TBC1D12: variants seen among roughly 807,000 people sequenced by gnomAD.
TBC1D12 encodes TBC1 domain family member 12.
In TBC1D12, 56 loss-of-function variants were observed where a neutral mutation model predicts 86.7. That is an observed-to-expected ratio of 0.65 (90% CI 0.52 to 0.81). The LOEUF (loss-of-function observed/expected upper bound fraction) is 0.81. Among genes scored for constraint, TBC1D12 ranks in the 30% least tolerant of loss-of-function variants. The probability of loss-of-function intolerance (pLI) is 0.00; values close to 1 mark genes in which losing one functional copy is unlikely to be tolerated. For synonymous variants in TBC1D12, 421 were observed against 411.7 expected (o/e 1.02, Z -0.27); for missense variants, 1,023 against 1,038.8 (o/e 0.98, Z 0.21).
At chr10:94,508,878 T>G (rs1049877988) in intron 7 of TBC1D12, 3 of 152,262 alleles carry the variant, frequency 2.0e-5, no homozygotes, top group Admixed American at 6.5e-5. Context: ...TTTCTGCTTC[T>G]TTGTATATCT....
chr10:94,442,482 A>C (rs2134091643), intron 2 of TBC1D12, among the ~76,000 whole-genome samples: 1 of 152,316 alleles, frequency 6.6e-6, no homozygotes, highest in Non-Finnish European at 1.5e-5. Flanking sequence ...TCTCTAAACC[A>C]AGGACTTTGT....
intron 2 of TBC1D12, among the ~76,000 whole-genome samples, chr10:94,454,334 C>T (rs2134109894): frequency 6.6e-6 from 1 of 152,302 alleles, no homozygotes; most frequent in South Asian, 2.1e-4. Flanking sequence ...GCCTCAGCCT[C>T]CTGAGTAGCT....
chr10:94,457,279 C>T (rs1033288043), intron 2 of TBC1D12, among the ~76,000 whole-genome samples: 2 of 152,096 alleles, frequency 1.3e-5, no homozygotes, highest in Non-Finnish European at 2.9e-5. Context: ...CTGACAGGCC[C>T]CTGTGTGTGT....
At chr10:94,459,686 G>C (rs958823327) in intron 2 of TBC1D12, among the ~76,000 whole-genome samples, 1 of 152,188 alleles carries the variant, frequency 6.6e-6, no homozygotes, top group African/African-American at 2.4e-5. Flanking sequence ...AGTGCGGCAC[G>C]GGCAGGCTGG....
chr10:94,520,880 T>G (rs1842131980), intron 9 of TBC1D12, among the ~76,000 whole-genome samples: 2 of 152,054 alleles, frequency 1.3e-5, no homozygotes, highest in East Asian at 1.9e-4. Flanking sequence ...AGGCTGGTCT[T>G]GAACTCCTGA....
At chr10:94,489,431 C>T (rs190363380) in intron 3 of TBC1D12, among the ~76,000 whole-genome samples, 1 of 152,310 alleles carries the variant, frequency 6.6e-6, no homozygotes, top group Non-Finnish European at 1.5e-5. Context: ...TTCCTACCCT[C>T]TGCAATGCCT....
At position 94,402,790 on chromosome 10, in the gene TBC1D12, C is replaced by A. The variant is rs1564930278; in HGVS notation, c.177C>A (p.Asp59Glu). The A allele has an allele frequency of 5.2e-6, 8 of 1,539,578 alleles. No individual in the cohort carries two copies. Among genetic ancestry groups the A allele is most frequent in the Non-Finnish European group, 7.0e-6 (8 of 1,141,494 alleles). ...PEEADEEEEADEEEETPPRQL... is the reference protein window; with the variant it reads ...PEEADEEEEAEEEEETPPRQL... ...AGGCTGACGAGGAGGAGGAGGCTGA[C>A]GAGGAGGAGGAGACGCCGCCTCGGC... is the stretch of plus-strand genomic sequence containing the variant. The change falls in exon 1 of 13, where the codon GAC (aspartate) becomes GAA (glutamate). Residue 59 changes from aspartate (D) to glutamate (E), a missense_variant. By Grantham distance (45) the Asp-to-Glu change is conservative. This residue lies in a region of TBC1D12 where 628 missense variants were observed against 531.1 expected (regional missense o/e 1.18). Transcript: ENST00000225235.
Position 94,521,507 on chromosome 10 carries a change from T to C in TBC1D12, c.1762-448T>C, listed in dbSNP as rs370875614. 3.4e-4 allele frequency among the ~76,000 whole-genome samples: 52 copies of C among 152,304 alleles called. No homozygotes were observed. The East Asian group carries it at 6.6e-3, about 19-fold the overall frequency. On this transcript the variant is annotated intron_variant, in intron 9 of 12. Transcript: ENST00000225235. Reference sequence around the variant, plus strand: ...CAGGCTCAACCCCCACAACGTCTCCTTTCTTGGTATTTCAGCAGCACTTCT... The same window carrying C: ...CAGGCTCAACCCCCACAACGTCTCCCTTCTTGGTATTTCAGCAGCACTTCT...
chr10:94,489,011 G>A (rs1052783569), intron 3 of TBC1D12, among the ~76,000 whole-genome samples: 10 of 152,164 alleles, frequency 6.6e-5, no homozygotes, highest in African/African-American at 1.7e-4. Flanking sequence ...TGTCCTGTCT[G>A]GTGTCTCACT....
Position 94,402,816 on chromosome 10 carries a change from A to C in TBC1D12, c.203A>C (p.Gln68Pro), listed in dbSNP as rs2054786572. Residue 68 changes from glutamine (Q) to proline (P), a missense_variant, in exon 1 of 13, where the codon CAG becomes CCG. Gln to Pro is a moderately conservative substitution (Grantham distance 76, BLOSUM62 -1). Transcript: ENST00000225235. ...ADEEEETPPR[Q>P]LLQRYLAAAG... ...GAGGAGGAGGAGACGCCGCCTCGGCAGCTCCTTCAGCGTTACCTCGCGGCG... is the reference window on the plus strand; with the variant it reads ...GAGGAGGAGGAGACGCCGCCTCGGCCGCTCCTTCAGCGTTACCTCGCGGCG... 4.5e-6 allele frequency: 7 copies of C among 1,542,786 alleles called. No individual in the cohort carries two copies. Among genetic ancestry groups the C allele is most frequent in the Non-Finnish European group, 6.1e-6 (7 of 1,143,756 alleles).
At chr10:94,423,886 A>G (rs950850113) in intron 1 of TBC1D12, among the ~76,000 whole-genome samples, 13 of 152,326 alleles carry the variant, frequency 8.5e-5, no homozygotes, top group African/African-American at 2.6e-4. Context: ...ATACAGTCAG[A>G]TGACCCTTTC....
At chr10:94,473,221 G>A (rs1023030090) in intron 2 of TBC1D12, among the ~76,000 whole-genome samples, 3 of 151,472 alleles carry the variant, frequency 2.0e-5, no homozygotes, top group Admixed American at 6.6e-5. Flanking sequence ...ATAGCCAGCC[G>A]TGGTGGCTGA....
intron 4 of TBC1D12, among the ~76,000 whole-genome samples, chr10:94,495,007 G>A (rs956167299): frequency 6.7e-6 from 1 of 150,236 alleles, no homozygotes; most frequent in African/African-American, 2.4e-5. Context: ...GATTGCAGGT[G>A]CATGCCACCA....
At chr10:94,434,572 A>G (rs564994655) in intron 1 of TBC1D12, among the ~76,000 whole-genome samples, 2 of 152,074 alleles carry the variant, frequency 1.3e-5, no homozygotes, top group African/African-American at 4.8e-5. Context: ...GTTACTAGGG[A>G]GTCCTGACTG....
chr10:94,444,379 A>G (rs2055422333), intron 2 of TBC1D12, among the ~76,000 whole-genome samples: 1 of 152,104 alleles, frequency 6.6e-6, no homozygotes, highest in Non-Finnish European at 1.5e-5. Context: ...ATTGACCAAG[A>G]AAGGTTGGGA....
In TBC1D12 at chr10:94,407,054, T is replaced by TA. The variant is rs35370498; in HGVS notation, c.971+3480dup. Among the ~76,000 whole-genome samples the TA allele has an allele frequency of 5.4e-3, 804 of 148,894 alleles. 4 individuals carry two copies. Among genetic ancestry groups the TA allele is most frequent in the Admixed American group, 6.9e-3 (102 of 14,848 alleles). ...AGGCAAAAATCTATACGAGAAACCTTAAAAAAAAAACAGTTTTATGTTTAC... is the reference window on the plus strand; with the variant it reads ...AGGCAAAAATCTATACGAGAAACCTTAAAAAAAAAAACAGTTTTATGTTTAC... On this transcript the variant is annotated intron_variant, in intron 1 of 12. Coordinates refer to ENST00000225235, the MANE Select transcript of TBC1D12 (RefSeq NM_015188.2).
At chr10:94,406,422 T>C (rs1440503164) in intron 1 of TBC1D12, among the ~76,000 whole-genome samples, 1 of 152,290 alleles carries the variant, frequency 6.6e-6, no homozygotes, top group East Asian at 1.9e-4. Flanking sequence ...ATGACATTCT[T>C]GGGAAAGAAA....
intron 8 of TBC1D12, among the ~76,000 whole-genome samples, chr10:94,510,657 A>G (rs954451672): frequency 9.2e-5 from 14 of 152,096 alleles, no homozygotes; most frequent in African/African-American, 3.1e-4. Flanking sequence ...TCTTTGACTC[A>G]TGTCTTTATT....
At chr10:94,490,575 T>G (rs1274575329) in intron 3 of TBC1D12, among the ~76,000 whole-genome samples, 1 of 152,244 alleles carries the variant, frequency 6.6e-6, no homozygotes, top group African/African-American at 2.4e-5. Context: ...TTCACATCTC[T>G]GTTTTTATTG....
Sources: allele counts gnomAD v4.1 joint callset (sites outside exome capture counted in the v4.1 genomes callset), GRCh38; gene constraint gnomAD v4.1.1; regional missense constraint gnomAD v4.1.1; transcripts MANE v1.5; gene names NCBI Gene and HGNC (gene_info 2026-07-23, HGNC 2026-07-21).